PEMT: variants seen among roughly 807,000 people sequenced by gnomAD.
PEMT encodes phosphatidylethanolamine N-methyltransferase.
In PEMT, 23 loss-of-function variants were observed where a neutral mutation model predicts 27.4. The observed-to-expected ratio is 0.84, with a 90% confidence interval of 0.60 to 1.19. The LOEUF is 1.19. Among genes scored for constraint, PEMT ranks in the 50% most tolerant of loss-of-function variants. The pLI, the probability that PEMT is intolerant of heterozygous loss-of-function variation, is 0.00. For synonymous variants in PEMT, 137 were observed against 139.1 expected, an observed-to-expected ratio of 0.98 and a Z score of 0.11; for missense variants, 307 against 310.1, an observed-to-expected ratio of 0.99 and a Z score of 0.07.
intron 4 of PEMT, among the ~76,000 whole-genome samples, chr17:17,511,365 G>A (rs554791114): frequency 3.9e-5 from 6 of 152,372 alleles, no homozygotes; most frequent in Admixed American, 6.5e-5. Flanking sequence ...CACAGTCCCA[G>A]AGAGGCCTGG....
intron 2 of PEMT, among the ~76,000 whole-genome samples, chr17:17,563,380 G>A (rs1239084169): frequency 1.3e-5 from 2 of 152,064 alleles, no homozygotes; most frequent in African/African-American, 2.4e-5. Flanking sequence ...TCCAATAACC[G>A]CATCCGCAGG....
intron 2 of PEMT, among the ~76,000 whole-genome samples, chr17:17,535,346 T>A (rs1908384856): frequency 1.3e-5 from 2 of 152,078 alleles, no homozygotes; most frequent in South Asian, 4.1e-4. Flanking sequence ...GGCGGGTGGA[T>A]CACGAGGTTG....
chr17:17,564,373 G>GC (rs34201475), intron 2 of PEMT, among the ~76,000 whole-genome samples: 67,945 of 151,896 alleles, frequency 0.45, 15,753 homozygotes, highest in Middle Eastern at 0.52. Flanking sequence ...CTGTTTCCAA[G>GC]CCCTCTTCCC....
chr17:17,521,455 A>C (rs1380710426), intron 3 of PEMT, among the ~76,000 whole-genome samples: 1 of 152,110 alleles, frequency 6.6e-6, no homozygotes. Context: ...TCCCAAGTGC[A>C]GTGGGCTGTG....
intron 5 of PEMT, chr17:17,507,025 T>C (rs1418453265): frequency 2.6e-5 from 20 of 763,886 alleles, no homozygotes; most frequent in Non-Finnish European, 4.4e-6. Context: ...AGGGGCTCTT[T>C]GCTGGTGACC....
At chr17:17,567,898 T>C (rs1910938966) in intron 2 of PEMT, among the ~76,000 whole-genome samples, 1 of 152,254 alleles carries the variant, frequency 6.6e-6, no homozygotes, top group African/African-American at 2.4e-5. Context: ...CGACGCTTTC[T>C]GGTCCAGAAA....
At chr17:17,553,505 C>T (rs1384710339) in intron 2 of PEMT, among the ~76,000 whole-genome samples, 1 of 152,154 alleles carries the variant, frequency 6.6e-6, no homozygotes, top group Non-Finnish European at 1.5e-5. Flanking sequence ...CCCAGAATGA[C>T]CCCTCACATG....
At chr17:17,577,297 C>A (rs1470205505) in intron 1 of PEMT, 2 of 470,914 alleles carry the variant, frequency 4.2e-6, no homozygotes, top group Non-Finnish European at 7.5e-6. Flanking sequence ...TGCCTGGCAC[C>A]CTGAAGGGAG....
chr17:17,524,422 A>T (rs1567680973), intron 2 of PEMT, among the ~76,000 whole-genome samples: 1 of 152,080 alleles, frequency 6.6e-6, no homozygotes, highest in Admixed American at 6.6e-5. Flanking sequence ...GTTTCTCCAC[A>T]TCCTCCCCAA....
intron 2 of PEMT, among the ~76,000 whole-genome samples, chr17:17,549,996 G>A (rs191921960): frequency 4.6e-5 from 7 of 152,356 alleles, no homozygotes; most frequent in Admixed American, 2.0e-4. Flanking sequence ...AGCATGAAAG[G>A]CAGGGTGCTG....
chr17:17,581,405 G>A (rs58874056), intron 1 of PEMT, among the ~76,000 whole-genome samples: 6,091 of 152,224 alleles, frequency 0.04, 285 homozygotes, highest in African/African-American at 0.11. Context: ...CCAGACCCCA[G>A]GCAGTGAGGA....
intron 4 of PEMT, among the ~76,000 whole-genome samples, chr17:17,509,968 C>T (rs560517344): frequency 6.6e-6 from 1 of 152,298 alleles, no homozygotes; most frequent in East Asian, 1.9e-4. Context: ...CCTGTCCTAC[C>T]TCCCACTCTT....
At chr17:17,552,785 A>T (rs1295670744) in intron 2 of PEMT, among the ~76,000 whole-genome samples, 1 of 151,954 alleles carries the variant, frequency 6.6e-6, no homozygotes, top group African/African-American at 2.4e-5. Context: ...TGGATCCCGC[A>T]CCTGACTTTC....
Position 17,576,938 on chromosome 17 carries a change from A to G in PEMT, c.186T>C (p.Asn62=), listed in dbSNP as rs751725960. ...FVAAVITITF[N]PLYWNVVARW... ...CACTTACCACATTCCAGTAGAGCGG[A>G]TTGAAGGTGATGGTGATGACGGCAG... Residue 62 remains asparagine, a synonymous_variant, in exon 2 of 7, where the codon AAT becomes AAC. Coordinates refer to ENST00000255389, the MANE Select transcript of PEMT (RefSeq NM_148172.3). 4.3e-6 allele frequency: 7 copies of G among 1,613,490 alleles called. No individual in the cohort carries two copies. The Admixed American group carries it at 1.2e-4, about 27-fold the overall frequency.
At position 17,522,373 on chromosome 17, in the gene PEMT, G is replaced by T. The variant is rs754002033; in HGVS notation, c.227C>A (p.Thr76Asn). 16 of 1,612,502 alleles carry T rather than the reference G, an allele frequency of 9.9e-6. No homozygotes were observed. The Admixed American group carries it at 2.5e-4, about 25-fold the overall frequency. ...TCCGAAGGCCCTGCTCAGCTTGCGG[G>T]TCTTGTGTTCCCATCGTGCAACCTA... Reference protein sequence around the residue: ...WNVVARWEHKTRKLSRAFGSP... With the variant: ...WNVVARWEHKNRKLSRAFGSP... The change falls in exon 3 of 7, where the codon ACC becomes AAC. Residue 76 changes from threonine to asparagine, a missense_variant. Coordinates refer to ENST00000255389, the MANE Select transcript of PEMT (RefSeq NM_148172.3).
intron 2 of PEMT, among the ~76,000 whole-genome samples, chr17:17,528,682 C>T (rs942263394): frequency 2.6e-5 from 4 of 152,190 alleles, no homozygotes; most frequent in African/African-American, 7.2e-5. Flanking sequence ...CCCACCCTGG[C>T]CCCCCAGAAC....
At chr17:17,515,099 G>A (rs1370795537) in intron 3 of PEMT, among the ~76,000 whole-genome samples, 5 of 152,192 alleles carry the variant, frequency 3.3e-5, no homozygotes, top group Admixed American at 2.0e-4. Flanking sequence ...GGCCCGAGAC[G>A]CTGGAGGGTC....
chr17:17,587,933 T>C (rs1271239464), intron 1 of PEMT, among the ~76,000 whole-genome samples: 1 of 150,220 alleles, frequency 6.7e-6, no homozygotes, highest in Non-Finnish European at 1.5e-5. Flanking sequence ...AGAAAGAAGA[T>C]CCCCCCAAAA....
intron 1 of PEMT, 100 bp from the exon 2 acceptor site, chr17:17,577,127 G>A: frequency 2.4e-6 from 2 of 846,304 alleles, no homozygotes; most frequent in Admixed American, 2.0e-5. Context: ...CACACTGGGA[G>A]GCCTGGGAAC....
Sources: allele counts gnomAD v4.1 joint callset (sites outside exome capture counted in the v4.1 genomes callset), GRCh38; gene constraint gnomAD v4.1.1; transcripts MANE v1.5; gene names NCBI Gene and HGNC (gene_info 2026-07-23, HGNC 2026-07-21).